The following MEGF11 variants were observed in gnomAD, a reference collection of about 807,000 sequenced individuals.
MEGF11 encodes multiple EGF like domains 11.
MEGF11 carries 126 observed loss-of-function variants against 146.6 expected under a neutral mutation model. That is an observed-to-expected ratio of 0.86 (90% CI 0.74 to 1.00). MEGF11 has a LOEUF of 1.00. Among genes scored for constraint, MEGF11 ranks in the 50% least tolerant of loss-of-function variants. The pLI, the probability that MEGF11 is intolerant of heterozygous loss-of-function variation, is 0.00. For missense variants in MEGF11, 1,509 were observed against 1,521.2 expected (o/e 0.99, Z 0.13); for synonymous variants, 532 against 583.4 (o/e 0.91, Z 1.27).
At chr15:65,916,033 C>A in intron 18 of MEGF11, 115 bp downstream of exon 18, 1 of 1,306,748 alleles carries the variant, frequency 7.7e-7, no homozygotes, top group South Asian at 1.7e-5. Context: ...TCCCCAAAGT[C>A]AAGGGACCAA....
intron 1 of MEGF11, among the ~76,000 whole-genome samples, chr15:66,150,541 C>A (rs763914490): frequency 8.6e-5 from 13 of 151,846 alleles, no homozygotes; most frequent in Non-Finnish European, 1.8e-4. Context: ...CCCTCCCTGT[C>A]CATGGGCAAG....
rs772588858 is a variant in MEGF11, at chr15:65,970,701, G to T, written c.763-12C>A. On this transcript the variant is annotated splice_polypyrimidine_tract_variant and intron_variant, in intron 7 of 25. Coordinates refer to ENST00000395614, the MANE Select transcript of MEGF11 (RefSeq NM_001385028.1). ...GCACACACTGCTCCCTAAAAGAAAG[G>T]TGGGAAGACATGCATGGCGGTGCTC... is the stretch of plus-strand genomic sequence containing the variant. 2 of 1,605,590 alleles carry T rather than the reference G, an allele frequency of 1.2e-6. No individual in the cohort carries two copies. Among genetic ancestry groups the T allele is most frequent in the Admixed American group, 1.7e-5 (1 of 58,710 alleles).
intron 5 of MEGF11, among the ~76,000 whole-genome samples, chr15:66,063,858 G>A (rs966586969): frequency 2.0e-5 from 3 of 152,228 alleles, no homozygotes; most frequent in African/African-American, 7.2e-5. Flanking sequence ...CTGGGAGCAT[G>A]TACTTCTTAA....
chr15:66,014,948 C>G (rs1339377947), intron 5 of MEGF11, among the ~76,000 whole-genome samples: 2 of 128,428 alleles, frequency 1.6e-5, no homozygotes, highest in Admixed American at 8.7e-5. Flanking sequence ...TGTACGCGCT[C>G]AACAACCAGC....
At chr15:66,175,291 T>G (rs1262761153) in intron 1 of MEGF11, among the ~76,000 whole-genome samples, 1 of 152,100 alleles carries the variant, frequency 6.6e-6, no homozygotes, top group Non-Finnish European at 1.5e-5. Context: ...AAAATACCAA[T>G]GACAGTCTTC....
intron 1 of MEGF11, among the ~76,000 whole-genome samples, chr15:66,142,259 G>T (rs74338739): frequency 6.6e-6 from 1 of 152,182 alleles, no homozygotes; most frequent in Non-Finnish European, 1.5e-5. Context: ...GAGCCCCCGC[G>T]ATGGGAACTG....
At chr15:66,156,585 C>T (rs1269903639) in intron 1 of MEGF11, among the ~76,000 whole-genome samples, 1 of 152,024 alleles carries the variant, frequency 6.6e-6, no homozygotes. Flanking sequence ...GAAGATGCTG[C>T]TCCCTGAGTC....
At chr15:66,149,396 C>G (rs2089482803) in intron 1 of MEGF11, among the ~76,000 whole-genome samples, 1 of 152,202 alleles carries the variant, frequency 6.6e-6, no homozygotes, top group Admixed American at 6.5e-5. Flanking sequence ...GTTAACAGAA[C>G]CTACTTCAAG....
chr15:66,105,648 T>C (rs551999509), intron 4 of MEGF11, among the ~76,000 whole-genome samples: 1 of 152,342 alleles, frequency 6.6e-6, no homozygotes, highest in African/African-American at 2.4e-5. Context: ...ATCTAGTCCA[T>C]ATAATTTTGA....
At chr15:66,088,497 G>A (rs1212305873) in intron 5 of MEGF11, among the ~76,000 whole-genome samples, 2 of 152,210 alleles carry the variant, frequency 1.3e-5, no homozygotes, top group Middle Eastern at 3.4e-3. Flanking sequence ...ACTAAAAATA[G>A]AAAAAGTAGC....
intron 5 of MEGF11, among the ~76,000 whole-genome samples, chr15:66,040,817 G>A (rs2083939290): frequency 6.6e-6 from 1 of 152,116 alleles, no homozygotes; most frequent in Non-Finnish European, 1.5e-5. Flanking sequence ...TATGTATGTT[G>A]TGCACTGCTC....
intron 1 of MEGF11, among the ~76,000 whole-genome samples, chr15:66,246,121 G>C (rs2092293132): frequency 6.6e-6 from 1 of 152,126 alleles, no homozygotes; most frequent in South Asian, 2.1e-4. Flanking sequence ...GCCAGGCATG[G>C]TGGTGCAAGC....
intron 1 of MEGF11, among the ~76,000 whole-genome samples, chr15:66,136,711 G>A (rs1011042794): frequency 4.6e-5 from 7 of 152,208 alleles, no homozygotes; most frequent in South Asian, 2.1e-4. Context: ...GTTCAAGAAC[G>A]TTTGTTGCAT....
intron 5 of MEGF11, among the ~76,000 whole-genome samples, chr15:66,053,700 C>T (rs2084546471): frequency 1.3e-5 from 2 of 150,428 alleles, no homozygotes; most frequent in African/African-American, 2.5e-5. Flanking sequence ...CTCAGCTCCC[C>T]CTCCCCTGGC....
chr15:65,924,205 G>A (rs1473518649), intron 13 of MEGF11, among the ~76,000 whole-genome samples: 6 of 152,008 alleles, frequency 3.9e-5, no homozygotes, highest in East Asian at 1.9e-4. Context: ...TGGAACCACC[G>A]GAGAGGGGAG....
At chr15:66,121,307 A>T (rs1428076752) in intron 3 of MEGF11, among the ~76,000 whole-genome samples, 5 of 152,198 alleles carry the variant, frequency 3.3e-5, no homozygotes, top group South Asian at 4.1e-4. Flanking sequence ...GGCCGCAAGC[A>T]GCCAACTCTG....
intron 1 of MEGF11, among the ~76,000 whole-genome samples, chr15:66,249,638 G>A (rs992766488): frequency 7.9e-5 from 12 of 152,154 alleles, no homozygotes; most frequent in South Asian, 2.1e-4. Context: ...CACAGCCTTC[G>A]TTCCAGGCTT....
chr15:66,131,599 G>A (rs1019502782), intron 1 of MEGF11, among the ~76,000 whole-genome samples: 12 of 152,198 alleles, frequency 7.9e-5, no homozygotes, highest in Admixed American at 3.9e-4. Context: ...ACAGTGGTGG[G>A]CAGCATGGGC....
At chr15:66,063,429 T>G (rs898982052) in intron 5 of MEGF11, among the ~76,000 whole-genome samples, 2 of 152,156 alleles carry the variant, frequency 1.3e-5, no homozygotes, top group Admixed American at 1.3e-4. Context: ...TCCCAACTAA[T>G]CAGCCCTAGC....
Sources: gnomAD v4.1 joint callset for allele counts (sites outside exome capture counted in the v4.1 genomes callset) on GRCh38, gnomAD v4.1.1 for gene constraint, MANE v1.5 for transcripts, NCBI Gene and HGNC (gene_info 2026-07-23, HGNC 2026-07-21) for gene names.